The following DSC3 variants were observed in gnomAD, a reference collection of about 807,000 sequenced individuals.
The protein encoded by DSC3 is desmocollin-3.
In DSC3, 97 loss-of-function variants were observed where a neutral mutation model predicts 89.5. That is an observed-to-expected ratio of 1.08 (90% confidence interval 0.92 to 1.28). The LOEUF is 1.28. Ranked by LOEUF, DSC3 falls within the 50% of genes most tolerant of loss-of-function variation. The pLI is 0.00. For synonymous variants in DSC3, 436 were observed against 384.1 expected (o/e 1.14, Z -1.58); for missense variants, 1,199 against 1,085.3 (o/e 1.10, Z -1.47).
In DSC3 at chr18:30,991,514, A is replaced by G. The variant is rs1984241197; in HGVS notation, c.*2661T>C. 6.6e-6 allele frequency: 1 copy of G among 152,214 alleles called. No homozygotes were observed. Among genetic ancestry groups the G allele is most frequent in the African/African-American group, 2.4e-5 (1 of 41,458 alleles). The allele number at this position is 152,214 out of a possible 1,614,324, so 9.4% of individuals were successfully genotyped here. A position where few individuals can be genotyped will look rare whatever the true frequency, so the allele number is the denominator to read the frequency against. ...GGTTTTCAGCATGTTCAAAGAACAA[A>G]GAGATGGTTAGAGGTTTTATAAACA... On this transcript the variant is annotated 3_prime_UTR_variant, in exon 16 of 16. Coordinates refer to ENST00000360428, the MANE Select transcript of DSC3 (RefSeq NM_001941.5).
At chr18:31,007,508 AT>A (rs1984893567) in intron 11 of DSC3, among the ~76,000 whole-genome samples, 1 of 152,218 alleles carries the variant, frequency 6.6e-6, no homozygotes, top group African/African-American at 2.4e-5. Context: ...TTTTTTTAAA[AT>A]ATAAGATTCC....
At chr18:30,996,003 A>C (rs1345028050) in intron 15 of DSC3, among the ~76,000 whole-genome samples, 1 of 143,474 alleles carries the variant, frequency 7.0e-6, no homozygotes, top group Non-Finnish European at 1.5e-5. Context: ...AAAAAAAGAA[A>C]AGAAAGAAAA....
chr18:31,001,089 G>GTGTGTATATATA (rs141615987), intron 14 of DSC3, among the ~76,000 whole-genome samples: 7 of 126,044 alleles, frequency 5.6e-5, no homozygotes, highest in Admixed American at 1.6e-4. Context: ...TTGTGTGTGT[G>GTGTGTATATATA]TATATATATA....
rs34818241 is a variant in DSC3 at position 31,030,935 on chromosome 18, G to GA, written c.354+37dup. 698,974 of 1,567,310 alleles carry GA rather than the reference G, an allele frequency of 0.45. 166,195 individuals carry two copies. Among genetic ancestry groups the GA allele is most frequent in the East Asian group, 0.89 (39,397 of 44,478 alleles). On this transcript the variant is annotated intron_variant, in intron 3 of 15. Coordinates refer to ENST00000360428, the MANE Select transcript of DSC3 (RefSeq NM_001941.5). ...CAATTTTTAATAAGAGTATTTTAAT[G>GA]AAAAAATGACTGAAAATATTTAATG...
At chr18:31,004,436 G>T in intron 12 of DSC3, 70 bp from the exon 13 acceptor site, 1 of 1,434,856 alleles carries the variant, frequency 7.0e-7, no homozygotes, top group East Asian at 2.4e-5. Flanking sequence ...GTTTCATCAC[G>T]CTTGTTTTTG....
Position 31,031,006 on chromosome 18 carries a change from T to G in DSC3, c.321A>C (p.Lys107Asn). ...GATGTTCTAGCAGCACAGTAACCTC[T>G]TTCTGTGTCTGTTTCCTTTTGTCAG... is the stretch of plus-strand genomic sequence containing the variant. The part of the protein sequence containing the change: ...WLSDKRKQTQ[K>N]EVTVLLEHQK... Residue 107 changes from lysine (K) to asparagine (N), a missense_variant, in exon 3 of 16, where the codon AAA becomes AAC. Transcript: ENST00000360428. 1 of 1,614,070 alleles carries G rather than the reference T, an allele frequency of 6.2e-7. No homozygotes were observed. The highest frequency in any genetic ancestry group is 8.5e-7 in the Non-Finnish European group (1 of 1,179,934).
chr18:31,022,222 T>C, intron 7 of DSC3, 114 bp downstream of exon 7: 1 of 1,286,682 alleles, frequency 7.8e-7, no homozygotes, highest in African/African-American at 1.5e-5. Flanking sequence ...ATTCTTATTG[T>C]CTTATGCCTA....
At chr18:31,001,596 T>C in intron 14 of DSC3, 22 bp downstream of exon 14, 1 of 1,607,380 alleles carries the variant, frequency 6.2e-7, no homozygotes, top group East Asian at 2.2e-5. Context: ...TACAAATACA[T>C]ATTTATTTAA....
In DSC3 at chr18:31,032,243, C is replaced by G. The variant is rs1216135257; in HGVS notation, c.103G>C (p.Val35Leu). ...AGTTTAGAAGGTACATTAAGTATCA[C>G]CTTTTTGCAGGCTTCACCAGCACGA... Reference protein sequence around the residue: ...FSRAGEACKKVILNVPSKLEA... With the variant: ...FSRAGEACKKLILNVPSKLEA... The change falls in exon 2 of 16, where the codon GTG (valine) becomes CTG (leucine). Residue 35 changes from valine (V) to leucine (L), a missense_variant. Val to Leu is a conservative substitution (Grantham distance 32). Coordinates refer to ENST00000360428, the MANE Select transcript of DSC3 (RefSeq NM_001941.5). 6.2e-7 allele frequency: 1 copy of G among 1,613,622 alleles called. No homozygotes were observed. Among genetic ancestry groups the G allele is most frequent in the African/African-American group, 1.3e-5 (1 of 74,904 alleles).
chr18:31,013,255 G>GTATTA (rs76117024), intron 9 of DSC3, among the ~76,000 whole-genome samples: 1 of 151,664 alleles, frequency 6.6e-6, no homozygotes, highest in African/African-American at 2.4e-5. Context: ...AACATGAATT[G>GTATTA]GAACAGATAC....
intron 11 of DSC3, 108 bp from the exon 12 acceptor site, chr18:31,007,239 G>A: frequency 1.4e-6 from 1 of 729,970 alleles, no homozygotes; most frequent in Non-Finnish European, 2.3e-6. Context: ...TAAATAAACT[G>A]ATTATTAAAG....
rs535464694 is a variant in DSC3, at chr18:31,027,511, T to C, written c.475-1596A>G. Among the ~76,000 whole-genome samples, 5 of 97,606 alleles carry C rather than the reference T, an allele frequency of 5.1e-5. No homozygotes were observed. In the South Asian group the frequency reaches 2.3e-3, roughly 45 times the overall value. The allele number at this position is 97,606 out of a possible 152,430, so 64.0% of individuals were successfully genotyped here. A position where few individuals can be genotyped will look rare whatever the true frequency, so the allele number is the denominator to read the frequency against. On this transcript the variant is annotated intron_variant, in intron 4 of 15. Coordinates refer to ENST00000360428, the MANE Select transcript of DSC3 (RefSeq NM_001941.5). ...TCCTTCCTTCCTTCTTTCCTTCCTT[T>C]TCTGCAATAGCATATGTACTACTAG...
chr18:31,005,165 C>T (rs747241221), intron 12 of DSC3, among the ~76,000 whole-genome samples: 20 of 152,128 alleles, frequency 1.3e-4, no homozygotes, highest in Non-Finnish European at 2.6e-4. Flanking sequence ...ATTTTGGCTG[C>T]ACCTCATACC....
At position 31,042,707 on chromosome 18, in the gene DSC3, C is replaced by A. The variant is rs774694192; in HGVS notation, c.-47G>T. The A allele has an allele frequency of 1.3e-6, 2 of 1,526,708 alleles. No individual in the cohort carries two copies. Among genetic ancestry groups the A allele is most frequent in the South Asian group, 1.2e-5 (1 of 82,732 alleles). 94.6% of individuals were successfully genotyped at this position (1,526,708 alleles called of 1,614,324 possible). A position where few individuals can be genotyped will look rare whatever the true frequency, so the allele number is the denominator to read the frequency against. Reference sequence around the variant, plus strand: ...GAGAACGCGGGCGCCGGGAGGGTGCCGAGAGCGAGACCTGCCGAGGTGCAG... The same window carrying A: ...GAGAACGCGGGCGCCGGGAGGGTGCAGAGAGCGAGACCTGCCGAGGTGCAG... On this transcript the variant is annotated 5_prime_UTR_variant, in exon 1 of 16. Transcript: ENST00000360428.
intron 4 of DSC3, among the ~76,000 whole-genome samples, chr18:31,028,512 CAAAT>C (rs928516239): frequency 5.3e-5 from 8 of 151,784 alleles, no homozygotes; most frequent in African/African-American, 7.3e-5. Flanking sequence ...GGAGAATAAA[CAAAT>C]AAAGTTATAA....
At chr18:31,000,036 G>C (rs1031131939) in intron 14 of DSC3, among the ~76,000 whole-genome samples, 2 of 152,020 alleles carry the variant, frequency 1.3e-5, no homozygotes, top group Admixed American at 6.6e-5. Context: ...ACTGTCAAGG[G>C]ATTAAACCTG....
rs763681881 is a variant in DSC3 at position 30,994,329 on chromosome 18, T to G, written c.2537A>C (p.Gln846Pro). ...ATAGTTATAAGTGAGGACATAATCT[T>G]GGGATGGCATGCGGTCTTCATTCTG... The part of the protein sequence containing the change: ...CNQNEDRMPS[Q>P]DYVLTYNYEG... Residue 846 changes from glutamine (Q) to proline (P), a missense_variant, in exon 16 of 16, where the codon CAA becomes CCA. By Grantham distance (76) the Gln-to-Pro change is moderately conservative. Coordinates refer to ENST00000360428, the MANE Select transcript of DSC3 (RefSeq NM_001941.5). 6.2e-7 allele frequency: 1 copy of G among 1,614,138 alleles called. No homozygotes were observed. Among genetic ancestry groups the G allele is most frequent in the Non-Finnish European group, 8.5e-7 (1 of 1,179,984 alleles).
Position 31,029,600 on chromosome 18 carries a change from GT to G in DSC3, c.382del (p.Thr128LeufsTer46). On this transcript the variant is annotated frameshift_variant, in exon 4 of 16. Coordinates refer to ENST00000360428, the MANE Select transcript of DSC3 (RefSeq NM_001941.5). LOFTEE classifies it high-confidence loss of function. ...KVSKTRHTRE[T>X]VLRRAKRRWA... is the part of the protein sequence containing the mutation. ...TCTCCTCTTGGCACGCCTGAGAACA[GT>G]TTCTCTAGTGTGTCTTGTCTTCGAT... The G allele has an allele frequency of 6.2e-7, 1 of 1,613,802 alleles. No individual in the cohort carries two copies.
chr18:31,010,903 A>G (rs1985035508), intron 9 of DSC3, among the ~76,000 whole-genome samples: 1 of 152,254 alleles, frequency 6.6e-6, no homozygotes, highest in African/African-American at 2.4e-5. Flanking sequence ...TTATAACACT[A>G]GTCTCAAGGA....
Sources: allele counts gnomAD v4.1 joint callset (sites outside exome capture counted in the v4.1 genomes callset), GRCh38; gene constraint gnomAD v4.1.1; transcripts MANE v1.5; gene names NCBI Gene and HGNC (gene_info 2026-07-23, HGNC 2026-07-21).